Variants in ZNF81 observed in about 807,000 individuals in gnomAD.
ZNF81 encodes the protein zinc finger protein 81, also known as zinc finger protein 81 (HFZ20).
ZNF81 carries 5 observed loss-of-function variants against 32.3 expected under a neutral mutation model. The observed-to-expected ratio is 0.15, with a 90% CI of 0.08 to 0.33. The LOEUF (loss-of-function observed/expected upper bound fraction) is 0.33, where lower values mean the gene tolerates loss of function less well. Ranked by LOEUF, ZNF81 falls within the 10% of genes least tolerant of loss-of-function variation. ZNF81 has a pLI of 1.00. For missense variants in ZNF81, 379 were observed against 479.8 expected (o/e 0.79, Z 1.96); for synonymous variants, 163 against 166.8 (o/e 0.98, Z 0.17).
In ZNF81 at chrX:47,906,516, T is replaced by C. The variant is rs184760953; in HGVS notation, c.278-8408T>C. On this transcript the variant is annotated intron_variant, in intron 4 of 4. Transcript: ENST00000338637. Reference sequence around the variant, plus strand: ...AAGGGTCAATGTCATCAACATTATCTGTAAATCAAGTTATCATCAGATACA... The same window carrying C: ...AAGGGTCAATGTCATCAACATTATCCGTAAATCAAGTTATCATCAGATACA... Among the ~76,000 whole-genome samples, 252 of 109,909 alleles carry C rather than the reference T, an allele frequency of 2.3e-3. 6 individuals carry two copies. In the East Asian group the frequency reaches 0.042, roughly 18 times the overall value.
chrX:47,913,237 A>G (rs1279560808), intron 4 of ZNF81, among the ~76,000 whole-genome samples: 2 of 112,139 alleles, frequency 1.8e-5, no homozygotes, highest in Non-Finnish European at 3.8e-5. Flanking sequence ...ATTTGTTATA[A>G]CAGAAAAAAA....
At chrX:47,895,763 C>T (rs781966374) in intron 3 of ZNF81, 82 bp from the exon 4 acceptor site, 2 of 688,231 alleles carry the variant, frequency 2.9e-6, no homozygotes, top group East Asian at 6.9e-5. Context: ...TACTCAGTTC[C>T]CCATGAAATG....
intron 3 of ZNF81, among the ~76,000 whole-genome samples, chrX:47,888,829 A>G (rs2058652353): frequency 8.9e-6 from 1 of 111,864 alleles, no homozygotes. Context: ...ATGAATGTTA[A>G]AGGTACTTTT....
chrX:47,890,088 C>T (rs928363467), intron 3 of ZNF81, among the ~76,000 whole-genome samples: 11 of 111,707 alleles, frequency 9.8e-5, no homozygotes, highest in Admixed American at 2.8e-4. Context: ...ATTTTGTGCA[C>T]GTATTTAGCC....
chrX:47,908,825 A>G (rs1556889477), intron 4 of ZNF81, among the ~76,000 whole-genome samples: 1 of 112,087 alleles, frequency 8.9e-6, no homozygotes, highest in Non-Finnish European at 1.9e-5. Context: ...TCAAGCAAGG[A>G]CAAGCAAAAC....
chrX:47,852,611 A>G (rs1158448700), intron 2 of ZNF81, among the ~76,000 whole-genome samples: 2 of 112,566 alleles, frequency 1.8e-5, no homozygotes, highest in Non-Finnish European at 3.7e-5. Context: ...TTAAAGTTTT[A>G]TCATGAGATG....
chrX:47,842,452 G>A (rs2058453657), intron 1 of ZNF81, among the ~76,000 whole-genome samples: 1 of 111,117 alleles, frequency 9.0e-6, no homozygotes, highest in Non-Finnish European at 1.9e-5. Flanking sequence ...TGATATATGG[G>A]AGGATAAAGG....
intron 1 of ZNF81, chrX:47,841,753 A>G: frequency 4.5e-6 from 2 of 442,636 alleles, no homozygotes; most frequent in Non-Finnish European, 7.7e-6. Flanking sequence ...GAGGATTACA[A>G]GTTTTATTGT....
intron 3 of ZNF81, among the ~76,000 whole-genome samples, chrX:47,892,772 C>T (rs996353114): frequency 1.8e-5 from 2 of 112,828 alleles, no homozygotes; most frequent in African/African-American, 3.2e-5. Context: ...TTAAATGAAT[C>T]GTGCCGTTCT....
At chrX:47,910,020 TG>T (rs1394685187) in intron 4 of ZNF81, among the ~76,000 whole-genome samples, 1 of 111,480 alleles carries the variant, frequency 9.0e-6, no homozygotes, top group African/African-American at 3.3e-5. Context: ...GTTGGACATT[TG>T]GGTTGGTTCC....
intron 2 of ZNF81, among the ~76,000 whole-genome samples, chrX:47,853,212 C>T (rs2058502621): frequency 1.9e-5 from 2 of 106,692 alleles, no homozygotes; most frequent in Admixed American, 2.0e-4. Context: ...GAGTCTCGCT[C>T]TGTTACCAGG....
At chrX:47,844,875 G>A (rs1370689950) in intron 1 of ZNF81, among the ~76,000 whole-genome samples, 1 of 112,393 alleles carries the variant, frequency 8.9e-6, no homozygotes, top group Non-Finnish European at 1.9e-5. Context: ...AGCCATTTTA[G>A]TGGATGTGAC....
rs185163272 is a variant in ZNF81 at position 47,923,350 on chromosome X, G to A, written c.*6718G>A. 7.5e-4 allele frequency among the ~76,000 whole-genome samples: 84 copies of A among 111,497 alleles called. No homozygotes were observed. The highest frequency in any genetic ancestry group is 2.7e-3 in the African/African-American group (83 of 30,668). On this transcript the variant is annotated 3_prime_UTR_variant, in exon 5 of 5. Transcript: ENST00000338637. ...TCTAAAGAAAATGTAGGGAGTAACAGGAAAAGCAGGCCTAAGACCAAAGCT... is the reference window on the plus strand; with the variant it reads ...TCTAAAGAAAATGTAGGGAGTAACAAGAAAAGCAGGCCTAAGACCAAAGCT...
chrX:47,912,396 TA>T (rs2058742083), intron 4 of ZNF81, among the ~76,000 whole-genome samples: 1 of 104,526 alleles, frequency 9.6e-6, no homozygotes, highest in African/African-American at 3.5e-5. Context: ...AAAAATCTCT[TA>T]TTGAAAAAGT....
chrX:47,839,933 C>CG lies in ZNF81; in HGVS notation c.-164+2946_-164+2947insG, dbSNP rs782806205. ...CTTAAAATATTGTGAGTTTTTTTTG[C>CG]ATTTTTTTTAAAGCTCATCAGCTAT... On this transcript the variant is annotated intron_variant, in intron 1 of 4. Coordinates refer to ENST00000338637, the MANE Select transcript of ZNF81 (RefSeq NM_007137.5). Among the ~76,000 whole-genome samples the CG allele has an allele frequency of 0.022, 1,522 of 67,668 alleles. 77 individuals are homozygous for CG. In the East Asian group the frequency reaches 0.3, roughly 13 times the overall value. The allele number at this position is 67,668 out of a possible 115,157, so 58.8% of individuals were successfully genotyped here.
intron 4 of ZNF81, among the ~76,000 whole-genome samples, chrX:47,899,696 C>T (rs964112764): frequency 1.6e-4 from 18 of 111,291 alleles, no homozygotes; most frequent in Admixed American, 2.9e-4. Flanking sequence ...TGGAATTAAC[C>T]AAGAAAGCCA....
intron 2 of ZNF81, among the ~76,000 whole-genome samples, chrX:47,850,257 A>C (rs191653801): frequency 7.4e-5 from 8 of 108,502 alleles, no homozygotes; most frequent in South Asian, 4.1e-4. Context: ...TCATACTTGT[A>C]ATCCCAACAC....
intron 4 of ZNF81, 50 bp downstream of exon 4, chrX:47,895,990 T>TC: frequency 1.1e-6 from 1 of 950,889 alleles, no homozygotes. Flanking sequence ...ATTTTTTTTT[T>TC]CCCTAAGGAA....
chrX:47,877,121 G>A (rs1390961082), intron 2 of ZNF81, among the ~76,000 whole-genome samples: 1 of 112,360 alleles, frequency 8.9e-6, no homozygotes, highest in African/African-American at 3.2e-5. Flanking sequence ...TGGCCCAAAG[G>A]GCCCTATCCA....
Sources: allele counts gnomAD v4.1 joint callset (sites outside exome capture counted in the v4.1 genomes callset), GRCh38; gene constraint gnomAD v4.1.1; transcripts MANE v1.5; gene names NCBI Gene and HGNC (gene_info 2026-07-23, HGNC 2026-07-21).